U2SURP: variants seen among roughly 807,000 people sequenced by gnomAD.
U2SURP encodes the protein U2 snRNP associated SURP domain containing, also known as U2 snRNP-associated SURP motif-containing protein.
A neutral mutation model predicts 144.9 loss-of-function variants in U2SURP; 9 were observed. The ratio of observed to expected loss-of-function variants is 0.06; its 90% CI spans 0.04 to 0.11. The LOEUF (loss-of-function observed/expected upper bound fraction) is 0.11, where lower values mean the gene tolerates loss of function less well. U2SURP is among the 10% of genes least tolerant of loss of function. U2SURP has a pLI of 1.00. For synonymous variants in U2SURP, 408 were observed against 396.8 expected (o/e 1.03, Z -0.33); for missense variants, 724 against 1,226.7 (o/e 0.59, Z 6.12).
chr3:143,051,602 CAAAAAAAAAAAAA>C lies in U2SURP; in HGVS notation c.2655+560_2655+572del, dbSNP rs3041537. On this transcript the variant is annotated intron_variant, in intron 25 of 27. Coordinates refer to ENST00000473835, the MANE Select transcript of U2SURP (RefSeq NM_001080415.2). ...AGGAATTTTGTTGAGACTGTCGTTGCAAAAAAAAAAAAAAAAAAAGAAAAACCAATAATAATGA... is the reference window on the plus strand; with the variant it reads ...AGGAATTTTGTTGAGACTGTCGTTGCAAAAAAGAAAAACCAATAATAATGA... Among the ~76,000 whole-genome samples, 16 of 90,630 alleles carry C rather than the reference CAAAAAAAAAAAAA, an allele frequency of 1.8e-4. No individual in the cohort carries two copies. In the Admixed American group the frequency reaches 2.3e-3, roughly 13 times the overall value. 59.5% of individuals were successfully genotyped at this position (90,630 alleles called of 152,430 possible).
chr3:143,041,179 A>T (rs953979111), intron 23 of U2SURP, among the ~76,000 whole-genome samples: 2 of 151,906 alleles, frequency 1.3e-5, no homozygotes, highest in Non-Finnish European at 3.0e-5. Flanking sequence ...GTCCTTATTG[A>T]GTCTTCTAGA....
intron 25 of U2SURP, among the ~76,000 whole-genome samples, chr3:143,052,619 G>A (rs1362487641): frequency 6.6e-6 from 1 of 152,204 alleles, no homozygotes; most frequent in African/African-American, 2.4e-5. Flanking sequence ...TTTGTAGGGT[G>A]GCTTTCACTC....
rs79971294 is a variant in U2SURP at position 143,037,157 on chromosome 3, A to G, written c.2065-22A>G. The G allele has an allele frequency of 2.8e-3, 4,486 of 1,602,918 alleles. 139 individuals are homozygous for G. The East Asian group carries it at 0.047, about 17-fold the overall frequency. ...ACTTCAGCAAGCAAAGGAAAATGTT[A>G]TAATAGTACACATTTCCATAGGATG... On this transcript the variant is annotated intron_variant, in intron 20 of 27. Coordinates refer to ENST00000473835, the MANE Select transcript of U2SURP (RefSeq NM_001080415.2).
intron 26 of U2SURP, among the ~76,000 whole-genome samples, chr3:143,054,382 T>A (rs1935041426): frequency 6.6e-6 from 1 of 152,228 alleles, no homozygotes; most frequent in African/African-American, 2.4e-5. Context: ...TCTAGCTTAG[T>A]CACGCTACAG....
chr3:143,054,789 T>A (rs976351936), intron 26 of U2SURP, among the ~76,000 whole-genome samples, 154 bp from the exon 27 acceptor site: 1 of 152,242 alleles, frequency 6.6e-6, no homozygotes, highest in Non-Finnish European at 1.5e-5. Context: ...TTATTTGTTC[T>A]TGTTACAAAG....
intron 24 of U2SURP, among the ~76,000 whole-genome samples, chr3:143,043,664 CAT>C (rs1299078949): frequency 3.3e-5 from 5 of 151,620 alleles, no homozygotes; most frequent in Non-Finnish European, 7.4e-5. Flanking sequence ...ATGTCTAATA[CAT>C]GACACATAGG....
intron 25 of U2SURP, among the ~76,000 whole-genome samples, chr3:143,051,828 C>G (rs146526982): frequency 1.1e-3 from 174 of 152,138 alleles, no homozygotes; most frequent in African/African-American, 4.0e-3. Flanking sequence ...CCTGCTTTTT[C>G]TCTGAAACTG....
chr3:143,036,174 C>G, intron 20 of U2SURP, 70 bp downstream of exon 20: 1 of 1,484,748 alleles, frequency 6.7e-7, no homozygotes, highest in Non-Finnish European at 8.9e-7. Context: ...TGGAGTTGTT[C>G]TGTGTTACAT....
chr3:143,038,925 C>T lies in U2SURP; in HGVS notation c.2349C>T (p.Asp783=). 8.4e-6 allele frequency: 13 copies of T among 1,544,516 alleles called. No individual in the cohort carries two copies. The highest frequency in any genetic ancestry group is 1.1e-5 in the Non-Finnish European group (13 of 1,147,790). The change falls in exon 23 of 28, where the codon GAC becomes GAT. Residue 783 remains aspartate (D), a synonymous_variant. Coordinates refer to ENST00000473835, the MANE Select transcript of U2SURP (RefSeq NM_001080415.2). ...AVTTSKWELF[D]QHEESEEEEN... The stretch of plus-strand genomic sequence containing the variant: ...CAACTTCTAAATGGGAATTATTTGA[C>T]CAGCATGAAGAATCAGAAGAAGAAG...
At chr3:143,023,950 TTA>T in intron 12 of U2SURP, 23 bp from the exon 13 acceptor site, 1 of 1,609,468 alleles carries the variant, frequency 6.2e-7, no homozygotes, top group Non-Finnish European at 8.5e-7. Flanking sequence ...TCTATGTTTA[TTA>T]TCTGATGTGA....
intron 13 of U2SURP, chr3:143,026,906 C>T: frequency 3.1e-6 from 1 of 324,626 alleles, no homozygotes; most frequent in Non-Finnish European, 5.6e-6. Flanking sequence ...TACTATGAGG[C>T]TGTATTGTGG....
rs376641462 is a variant in U2SURP at position 143,015,001 on chromosome 3, T to A, written c.321+592T>A. 3.9e-5 allele frequency among the ~76,000 whole-genome samples: 6 copies of A among 152,182 alleles called. No homozygotes were observed. In the East Asian group the frequency reaches 1.2e-3, roughly 29 times the overall value. On this transcript the variant is annotated intron_variant, in intron 4 of 27. Transcript: ENST00000473835. The stretch of plus-strand genomic sequence containing the variant: ...TTGGGATATATTCTTATAAGTGAGA[T>A]TACTGGGTTGAGTGATAAATGCATA...
At position 143,012,230 on chromosome 3, in the gene U2SURP, A is replaced by G. The variant is rs559092602; in HGVS notation, c.99A>G (p.Ala33=). The G allele has an allele frequency of 2.5e-6, 4 of 1,612,702 alleles. No individual in the cohort carries two copies. Among genetic ancestry groups the G allele is most frequent in the Non-Finnish European group, 1.7e-6 (2 of 1,179,322 alleles). ...SSGSSDAHMD[A]SGPSDSDMPS... ...TTTTACTTTTCCTGAAGATGGATGCATCTGGACCCTCAGATAGTGATATGC... is the reference window on the plus strand; with the variant it reads ...TTTTACTTTTCCTGAAGATGGATGCGTCTGGACCCTCAGATAGTGATATGC... The change falls in exon 3 of 28, where the codon GCA becomes GCG. Residue 33 remains alanine, a synonymous_variant. Coordinates refer to ENST00000473835, the MANE Select transcript of U2SURP (RefSeq NM_001080415.2).
rs1935303992 is a variant in U2SURP at position 143,059,840 on chromosome 3, CACATTT to C, written c.*3394_*3399del. The C allele has an allele frequency of 1.3e-5, 2 of 152,436 alleles. No homozygotes were observed. Among genetic ancestry groups the C allele is most frequent in the African/African-American group, 4.8e-5 (2 of 41,544 alleles). 9.4% of individuals were successfully genotyped at this position (152,436 alleles called of 1,614,324 possible). The stretch of plus-strand genomic sequence containing the variant: ...AAAGGAACACGTGACTGTAAAATCT[CACATTT>C]ACAAAGTGCTTGATCTCTTCATATT... On this transcript the variant is annotated 3_prime_UTR_variant, in exon 28 of 28. Transcript: ENST00000473835.
At chr3:143,027,943 TA>T (rs1933251706) in intron 14 of U2SURP, among the ~76,000 whole-genome samples, 1 of 152,204 alleles carries the variant, frequency 6.6e-6, no homozygotes, top group African/African-American at 2.4e-5. Flanking sequence ...AAATGAGTTT[TA>T]AAATAAATTG....
At chr3:143,040,739 T>G (rs1291740318) in intron 23 of U2SURP, among the ~76,000 whole-genome samples, 1 of 151,846 alleles carries the variant, frequency 6.6e-6, no homozygotes, top group Non-Finnish European at 1.5e-5. Context: ...GAAAAACTGC[T>G]TAAGCCTTGA....
intron 1 of U2SURP, among the ~76,000 whole-genome samples, chr3:143,005,936 C>T (rs1935807388): frequency 6.6e-6 from 1 of 152,080 alleles, no homozygotes; most frequent in Admixed American, 6.6e-5. Context: ...CTATTTGCCT[C>T]ATTCTAGTAT....
chr3:143,043,830 G>T (rs903855419), intron 24 of U2SURP, among the ~76,000 whole-genome samples: 1 of 150,764 alleles, frequency 6.6e-6, no homozygotes, highest in Non-Finnish European at 1.5e-5. Flanking sequence ...GTGCAGTGGC[G>T]CAGTCTCGGC....
At chr3:143,011,536 G>A (rs1242131536) in intron 2 of U2SURP, among the ~76,000 whole-genome samples, 3 of 152,030 alleles carry the variant, frequency 2.0e-5, no homozygotes, top group Admixed American at 2.0e-4. Context: ...GTAGCTGGAG[G>A]TACAAAAGCA....
Sources: gnomAD v4.1 joint callset for allele counts (sites outside exome capture counted in the v4.1 genomes callset) on GRCh38, gnomAD v4.1.1 for gene constraint, MANE v1.5 for transcripts, NCBI Gene and HGNC (gene_info 2026-07-23, HGNC 2026-07-21) for gene names.